ALDH18A1: variants seen among roughly 807,000 people sequenced by gnomAD.
The protein encoded by ALDH18A1 is aldehyde dehydrogenase 18 family member A1, also known as delta-1-pyrroline-5-carboxylate synthase.
A neutral mutation model predicts 88.8 loss-of-function variants in ALDH18A1; 44 were observed. The ratio of observed to expected loss-of-function variants is 0.50; its 90% CI spans 0.39 to 0.64. The LOEUF is 0.64. Ranked by LOEUF, ALDH18A1 falls within the 30% of genes least tolerant of loss-of-function variation. The pLI is 0.00. For synonymous variants in ALDH18A1, 331 were observed against 372.1 expected (o/e 0.89, Z 1.27); for missense variants, 782 against 1,009.5 (o/e 0.77, Z 3.05).
chr10:95,645,101 C>T (rs1286428110), intron 2 of ALDH18A1, among the ~76,000 whole-genome samples: 1 of 152,168 alleles, frequency 6.6e-6, no homozygotes, highest in East Asian at 1.9e-4. Flanking sequence ...TGTGTGAGGC[C>T]TACATGGGAG....
At chr10:95,651,841 T>C (rs540069433) in intron 2 of ALDH18A1, among the ~76,000 whole-genome samples, 10 of 152,318 alleles carry the variant, frequency 6.6e-5, no homozygotes, top group African/African-American at 2.4e-4. Context: ...ACTAAACATG[T>C]AGCTACAATC....
chr10:95,653,826 A>G (rs930190860), intron 1 of ALDH18A1, among the ~76,000 whole-genome samples: 2 of 152,196 alleles, frequency 1.3e-5, no homozygotes, highest in Non-Finnish European at 1.5e-5. Flanking sequence ...CAGGAAATGC[A>G]CCTATTTGAA....
chr10:95,651,815 T>TAA (rs2097910882), intron 2 of ALDH18A1, among the ~76,000 whole-genome samples: 1 of 152,172 alleles, frequency 6.6e-6, no homozygotes, highest in African/African-American at 2.4e-5. Context: ...GGACATACAT[T>TAA]CAAACTATGT....
chr10:95,612,271 C>T (rs2097836481), intron 15 of ALDH18A1, among the ~76,000 whole-genome samples: 2 of 152,220 alleles, frequency 1.3e-5, no homozygotes, highest in African/African-American at 4.8e-5. Context: ...TCTGGCCCCA[C>T]CTCTAGGTTC....
At chr10:95,627,675 G>A (rs1251875657) in intron 8 of ALDH18A1, 89 bp from the exon 9 acceptor site, 3 of 1,477,272 alleles carry the variant, frequency 2.0e-6, no homozygotes, top group Non-Finnish European at 2.8e-6. Context: ...AATACAAGTT[G>A]ATATTGAACA....
intron 7 of ALDH18A1, among the ~76,000 whole-genome samples, chr10:95,629,158 C>T (rs1266831536): frequency 6.6e-6 from 1 of 152,006 alleles, no homozygotes; most frequent in Non-Finnish European, 1.5e-5. Context: ...GATGAAAAAC[C>T]CTCACAATTT....
chr10:95,612,843 G>A (rs1741393880), intron 15 of ALDH18A1, among the ~76,000 whole-genome samples: 1 of 152,216 alleles, frequency 6.6e-6, no homozygotes, highest in African/African-American at 2.4e-5. Flanking sequence ...CCCCGAACAT[G>A]AATGACCATG....
At chr10:95,655,522 T>C (rs183860244) in intron 1 of ALDH18A1, among the ~76,000 whole-genome samples, 2 of 148,030 alleles carry the variant, frequency 1.4e-5, no homozygotes, top group African/African-American at 2.5e-5. Flanking sequence ...CCAAGAGTCA[T>C]TGAAAGCTCT....
chr10:95,621,297 G>A (rs762724008), intron 11 of ALDH18A1, 46 bp from the exon 12 acceptor site: 4 of 1,511,990 alleles, frequency 2.6e-6, no homozygotes, highest in African/African-American at 2.7e-5. Flanking sequence ...GACCTGGCAG[G>A]CTACAGCTAC....
intron 2 of ALDH18A1, among the ~76,000 whole-genome samples, chr10:95,651,168 A>T (rs1447934834): frequency 6.6e-6 from 1 of 152,188 alleles, no homozygotes; most frequent in African/African-American, 2.4e-5. Context: ...TGAGCTAAAG[A>T]CATGAACTAA....
chr10:95,610,118 C>T, intron 17 of ALDH18A1, 79 bp downstream of exon 17: 2 of 1,370,964 alleles, frequency 1.5e-6, no homozygotes, highest in African/African-American at 1.4e-5. Context: ...GGGGAGGTGT[C>T]TTTCCCACCT....
At position 95,613,956 on chromosome 10, in the gene ALDH18A1, T is replaced by C. The variant is rs760405893; in HGVS notation, c.1801+10A>G. ...CTCCGTTGTGAAAGAGAAGACCCCA[T>C]CCAGCTCACCTAGCCTGGTGACCTT... On this transcript the variant is annotated intron_variant, in intron 14 of 17. Coordinates refer to ENST00000371224, the MANE Select transcript of ALDH18A1 (RefSeq NM_002860.4). 3.1e-6 allele frequency: 5 copies of C among 1,614,182 alleles called. No homozygotes were observed. The highest frequency in any genetic ancestry group is 1.1e-5 in the South Asian group (1 of 91,088).
chr10:95,648,406 A>C (rs1390586187), intron 2 of ALDH18A1, among the ~76,000 whole-genome samples: 1 of 152,146 alleles, frequency 6.6e-6, no homozygotes, highest in African/African-American at 2.4e-5. Context: ...GTTAGGTATT[A>C]TTATGAGTTC....
In ALDH18A1 at chr10:95,633,058, C is replaced by T. The variant is rs759672899; in HGVS notation, c.718-9G>A. ...TCTTTAACACTAATAACCTAGAATGCAGATTAAAAAGTCATAAGTGAGTGA... is the reference window on the plus strand; with the variant it reads ...TCTTTAACACTAATAACCTAGAATGTAGATTAAAAAGTCATAAGTGAGTGA... On this transcript the variant is annotated splice_polypyrimidine_tract_variant and intron_variant, in intron 6 of 17. Transcript: ENST00000371224. 4 of 1,611,474 alleles carry T rather than the reference C, an allele frequency of 2.5e-6. No homozygotes were observed. The highest frequency in any genetic ancestry group is 1.7e-4 in the Middle Eastern group (1 of 6,056).
At position 95,632,660 on chromosome 10, in the gene ALDH18A1, G is replaced by C. The variant is rs186459431; in HGVS notation, c.808+299C>G. Among the ~76,000 whole-genome samples the C allele has an allele frequency of 4.4e-3, 668 of 152,278 alleles. 2 individuals carry two copies. Among genetic ancestry groups the C allele is most frequent in the Middle Eastern group, 0.02 (6 of 294 alleles). On this transcript the variant is annotated intron_variant, in intron 7 of 17. Coordinates refer to ENST00000371224, the MANE Select transcript of ALDH18A1 (RefSeq NM_002860.4). The stretch of plus-strand genomic sequence containing the variant: ...ATTATAGGTGTGAGCCACCACGCCA[G>C]GACAGAATTGTAAACTTCAAATAAG...
chr10:95,611,539 C>G (rs565159317), intron 15 of ALDH18A1, 97 bp from the exon 16 acceptor site: 2 of 1,425,908 alleles, frequency 1.4e-6, no homozygotes, highest in East Asian at 4.6e-5. Flanking sequence ...AACCACAGCC[C>G]AAAGTGGCTC....
chr10:95,615,926 G>GATCAA (rs1199475304), intron 13 of ALDH18A1, among the ~76,000 whole-genome samples: 1 of 152,070 alleles, frequency 6.6e-6, no homozygotes, highest in East Asian at 1.9e-4. Context: ...CTGCTGTGAC[G>GATCAA]ATCAAATGAG....
intron 9 of ALDH18A1, 116 bp downstream of exon 9, chr10:95,627,326 C>T (rs958191392): frequency 1.5e-5 from 21 of 1,395,180 alleles, no homozygotes; most frequent in Middle Eastern, 4.0e-4. Flanking sequence ...TTGCAAATAG[C>T]GTTCAAAACA....
chr10:95,614,659 C>T (rs2097841383), intron 13 of ALDH18A1, among the ~76,000 whole-genome samples: 2 of 152,172 alleles, frequency 1.3e-5, no homozygotes. Context: ...CTTCTGATGG[C>T]AACTTCTACC....
Sources: allele counts gnomAD v4.1 joint callset (sites outside exome capture counted in the v4.1 genomes callset), GRCh38; gene constraint gnomAD v4.1.1; transcripts MANE v1.5; gene names NCBI Gene and HGNC (gene_info 2026-07-23, HGNC 2026-07-21).